COP1: variants seen among roughly 807,000 people sequenced by gnomAD.
COP1 encodes E3 ubiquitin-protein ligase COP1.
COP1 carries 24 observed loss-of-function variants against 101.3 expected under a neutral mutation model. That is an observed-to-expected ratio of 0.24 (90% CI 0.17 to 0.33). COP1 has a LOEUF of 0.33. COP1 is among the 10% of genes least tolerant of loss of function. COP1 has a pLI of 1.00. For missense variants in COP1, 663 were observed against 906.2 expected (o/e 0.73, Z 3.45); for synonymous variants, 347 against 341.9 (o/e 1.01, Z -0.17).
intron 15 of COP1, among the ~76,000 whole-genome samples, chr1:176,006,438 T>C (rs1663237850): frequency 6.6e-6 from 1 of 152,210 alleles, no homozygotes; most frequent in Non-Finnish European, 1.5e-5. Context: ...AGTTTCTTCC[T>C]AGCCTCGATG....
intron 15 of COP1, among the ~76,000 whole-genome samples, chr1:175,992,928 C>G (rs924704171): frequency 2.0e-5 from 3 of 152,202 alleles, no homozygotes; most frequent in African/African-American, 7.2e-5. Flanking sequence ...TGAGAACGGG[C>G]AGACTGCCTC....
intron 9 of COP1, among the ~76,000 whole-genome samples, chr1:176,092,228 T>C (rs1424049102): frequency 1.3e-5 from 2 of 152,114 alleles, no homozygotes; most frequent in Non-Finnish European, 2.9e-5. Flanking sequence ...TAGAAAACAC[T>C]GTACCTAATT....
intron 5 of COP1, among the ~76,000 whole-genome samples, chr1:176,161,978 C>G (rs982670894): frequency 2.0e-5 from 3 of 151,844 alleles, no homozygotes; most frequent in Non-Finnish European, 4.4e-5. Context: ...TTTCTTTTAT[C>G]AAAAAACATA....
At chr1:176,188,706 CCA>C (rs1230323252) in intron 1 of COP1, among the ~76,000 whole-genome samples, 3 of 151,862 alleles carry the variant, frequency 2.0e-5, no homozygotes, top group African/African-American at 4.8e-5. Flanking sequence ...TTTTGGGGAG[CCA>C]CAAATTGCAC....
At chr1:176,151,341 AGG>A (rs1468882305) in intron 5 of COP1, among the ~76,000 whole-genome samples, 19 of 135,456 alleles carry the variant, frequency 1.4e-4, no homozygotes, top group African/African-American at 4.7e-4. Flanking sequence ...GAAAGAAGGA[AGG>A]AAAGAAAGAA....
intron 9 of COP1, among the ~76,000 whole-genome samples, chr1:176,097,220 T>C (rs760468554): frequency 1.4e-4 from 22 of 151,964 alleles, no homozygotes; most frequent in Non-Finnish European, 2.2e-4. Context: ...TAGGACCTTG[T>C]TTTGTTGAAA....
At chr1:176,017,820 C>T (rs537020459) in intron 15 of COP1, among the ~76,000 whole-genome samples, 1 of 152,220 alleles carries the variant, frequency 6.6e-6, no homozygotes, top group Admixed American at 6.5e-5. Context: ...CCACTGTGCC[C>T]AGACTCATTA....
intron 14 of COP1, among the ~76,000 whole-genome samples, chr1:176,041,809 T>A (rs919693957): frequency 3.3e-5 from 5 of 152,022 alleles, no homozygotes; most frequent in Non-Finnish European, 7.4e-5. Context: ...CTACTAAAAA[T>A]TTTTAAAAAA....
At chr1:176,023,366 T>C (rs1485770296) in intron 15 of COP1, among the ~76,000 whole-genome samples, 1 of 152,224 alleles carries the variant, frequency 6.6e-6, no homozygotes, top group Non-Finnish European at 1.5e-5. Context: ...TATAAAGGAA[T>C]GTTATTAACA....
At chr1:175,968,254 G>A (rs564863793) in intron 18 of COP1, 1 of 233,546 alleles carries the variant, frequency 4.3e-6, no homozygotes, top group South Asian at 5.4e-5. Context: ...TTCAAAACTC[G>A]TAAGATACCT....
At chr1:176,150,438 G>C (rs1198634244) in intron 5 of COP1, among the ~76,000 whole-genome samples, 1 of 152,134 alleles carries the variant, frequency 6.6e-6, no homozygotes, top group East Asian at 1.9e-4. Context: ...CTGGACCTTA[G>C]ACCCATTCTT....
intron 15 of COP1, among the ~76,000 whole-genome samples, chr1:175,992,750 G>C (rs917223169): frequency 1.3e-5 from 2 of 152,246 alleles, no homozygotes; most frequent in Non-Finnish European, 2.9e-5. Flanking sequence ...TGGGAAGCTC[G>C]AACTGGATGG....
intron 18 of COP1, among the ~76,000 whole-genome samples, chr1:175,983,162 C>T (rs1246393041): frequency 8.6e-5 from 13 of 151,770 alleles, no homozygotes; most frequent in Non-Finnish European, 1.2e-4. Flanking sequence ...TATTATTTGT[C>T]GAAAAGAAAA....
At chr1:176,005,866 C>A (rs1401312596) in intron 15 of COP1, among the ~76,000 whole-genome samples, 1 of 151,912 alleles carries the variant, frequency 6.6e-6, no homozygotes, top group African/African-American at 2.4e-5. Context: ...CTATTAGGTC[C>A]GCTTGGTGCA....
Position 176,085,832 on chromosome 1 carries a change from G to C in COP1, c.1085C>G (p.Ala362Gly). Reference sequence around the variant, plus strand: ...ACACTGCTCCAAGTCTTCAAAATGAGCAGTAAGTCGTTTTCGTCTTGATGC... The same window carrying C: ...ACACTGCTCCAAGTCTTCAAAATGACCAGTAAGTCGTTTTCGTCTTGATGC... ...TLASRRKRLT[A>G]HFEDLEQCYF... Residue 362 changes from alanine to glycine, a missense_variant, in exon 10 of 20, where the codon GCT becomes GGT. Transcript: ENST00000367669. The C allele has an allele frequency of 6.2e-7, 1 of 1,608,010 alleles. No individual in the cohort carries two copies. The highest frequency in any genetic ancestry group is 8.5e-7 in the Non-Finnish European group (1 of 1,175,626).
intron 11 of COP1, among the ~76,000 whole-genome samples, chr1:176,061,508 C>G (rs1397129369): frequency 6.6e-6 from 1 of 152,146 alleles, no homozygotes. Flanking sequence ...CGCCTGTAAT[C>G]CCAGCTACTC....
chr1:175,987,417 T>C (rs1177479362), intron 17 of COP1, among the ~76,000 whole-genome samples: 1 of 152,174 alleles, frequency 6.6e-6, no homozygotes, highest in African/African-American at 2.4e-5. Flanking sequence ...TCATTACTTT[T>C]AATTACTTTT....
intron 10 of COP1, 92 bp downstream of exon 10, chr1:176,085,684 G>C: frequency 1.6e-6 from 1 of 624,202 alleles, no homozygotes; most frequent in Non-Finnish European, 2.8e-6. Context: ...CTTTTGCTTT[G>C]CAATTAGGAC....
At chr1:176,139,148 T>A (rs754610383) in intron 6 of COP1, among the ~76,000 whole-genome samples, 1 of 151,508 alleles carries the variant, frequency 6.6e-6, no homozygotes, top group African/African-American at 2.4e-5. Flanking sequence ...AAAGGCAACA[T>A]ACAAGTGGCC....
Sources: allele counts gnomAD v4.1 joint callset (sites outside exome capture counted in the v4.1 genomes callset), GRCh38; gene constraint gnomAD v4.1.1; transcripts MANE v1.5; gene names NCBI Gene and HGNC (gene_info 2026-07-23, HGNC 2026-07-21).